The following NRXN3 variants were observed in gnomAD, a reference collection of about 807,000 sequenced individuals.
The protein encoded by NRXN3 is neurexin III.
NRXN3 carries 32 observed loss-of-function variants against 137.6 expected under a neutral mutation model. The observed-to-expected ratio is 0.23, with a 90% CI of 0.18 to 0.31. The LOEUF (loss-of-function observed/expected upper bound fraction) is 0.31, where lower values mean the gene tolerates loss of function less well. Ranked by LOEUF, NRXN3 falls within the 10% of genes least tolerant of loss-of-function variation. The probability of loss-of-function intolerance (pLI) is 1.00; values close to 1 mark genes in which losing one functional copy is unlikely to be tolerated. For synonymous variants in NRXN3, 798 were observed against 784.5 expected, an observed-to-expected ratio of 1.02 and a Z score of -0.29; for missense variants, 1,574 against 2,062.5, an observed-to-expected ratio of 0.76 and a Z score of 4.59.
chr14:78,203,815 T>A (rs2061907356), intron 1 of NRXN3, among the ~76,000 whole-genome samples: 1 of 110,678 alleles, frequency 9.0e-6, no homozygotes, highest in African/African-American at 3.6e-5. Flanking sequence ...TGTGTGTGTG[T>A]GTGTGTGTGT....
chr14:78,719,920 T>C (rs35035363), intron 8 of NRXN3, among the ~76,000 whole-genome samples: 76,124 of 151,992 alleles, frequency 0.5, 22,736 homozygotes, highest in Non-Finnish European at 0.64. Flanking sequence ...CCTGTTTTGG[T>C]AAATGAGGAA....
chr14:78,288,721 G>A (rs1388624094), intron 3 of NRXN3, among the ~76,000 whole-genome samples: 1 of 152,166 alleles, frequency 6.6e-6, no homozygotes, highest in Non-Finnish European at 1.5e-5. Flanking sequence ...CCCCTAGAGT[G>A]ATGGCATAAC....
intron 8 of NRXN3, among the ~76,000 whole-genome samples, chr14:78,791,915 T>C (rs369696262): frequency 6.6e-6 from 1 of 151,998 alleles, no homozygotes; most frequent in East Asian, 1.9e-4. Context: ...AATTAAACCG[T>C]AGCTAATTCT....
intron 4 of NRXN3, among the ~76,000 whole-genome samples, chr14:78,371,413 A>T (rs2086812099): frequency 6.6e-6 from 1 of 152,020 alleles, no homozygotes; most frequent in Non-Finnish European, 1.5e-5. Flanking sequence ...AGCCACTTCC[A>T]CTGCTTAATA....
At chr14:78,593,305 G>C (rs2097132516) in intron 4 of NRXN3, among the ~76,000 whole-genome samples, 2 of 152,184 alleles carry the variant, frequency 1.3e-5, no homozygotes, top group African/African-American at 4.8e-5. Context: ...TTTGAAGTGA[G>C]ACTGCACGAA....
rs1359024316 is a variant in NRXN3, at chr14:78,179,798, T to C, written c.-704+9124T>C. ...AGTCTCGTGTTCAGCATGTGACATA[T>C]ATTTGTTCTTTGTTTTTTTTTTTTT... On this transcript the variant is annotated intron_variant, in intron 1 of 20. Coordinates refer to ENST00000335750, the MANE Select transcript of NRXN3 (RefSeq NM_001330195.2). Among the ~76,000 whole-genome samples, 4 of 146,436 alleles carry C rather than the reference T, an allele frequency of 2.7e-5. No homozygotes were observed. In the East Asian group the frequency reaches 8.1e-4, roughly 30 times the overall value.
At chr14:79,399,008 CAAAAAAAAA>C (rs34172134) in intron 15 of NRXN3, among the ~76,000 whole-genome samples, 2 of 76,168 alleles carry the variant, frequency 2.6e-5, no homozygotes, top group Non-Finnish European at 4.7e-5. Context: ...GACTCCATCT[CAAAAAAAAA>C]AAAAAAAAAA....
intron 15 of NRXN3, among the ~76,000 whole-genome samples, chr14:79,445,059 C>T (rs2096036779): frequency 6.6e-6 from 1 of 152,082 alleles, no homozygotes. Context: ...TGTATTCACT[C>T]AGCTGGCAGT....
At chr14:78,557,169 T>G (rs904587600) in intron 4 of NRXN3, among the ~76,000 whole-genome samples, 4 of 150,516 alleles carry the variant, frequency 2.7e-5, no homozygotes, top group African/African-American at 9.8e-5. Context: ...CTCAGCTTCC[T>G]GAGTAGCTAG....
intron 15 of NRXN3, among the ~76,000 whole-genome samples, chr14:79,053,767 TAAAC>T (rs1434930629): frequency 6.6e-6 from 1 of 151,854 alleles, no homozygotes; most frequent in East Asian, 1.9e-4. Flanking sequence ...TCGGACAACT[TAAAC>T]AACTGGAAGG....
chr14:79,002,884 G>A (rs1462015104), intron 15 of NRXN3, among the ~76,000 whole-genome samples: 1 of 152,064 alleles, frequency 6.6e-6, no homozygotes, highest in Non-Finnish European at 1.5e-5. Flanking sequence ...CATCTGTTGT[G>A]TTTTGATAAG....
chr14:78,971,495 G>A (rs1015466365), intron 14 of NRXN3, among the ~76,000 whole-genome samples: 2 of 151,738 alleles, frequency 1.3e-5, no homozygotes, highest in African/African-American at 4.8e-5. Flanking sequence ...TTTAATATAT[G>A]TTTCCATCAA....
chr14:78,800,553 C>A (rs961999084), intron 8 of NRXN3, among the ~76,000 whole-genome samples: 12 of 152,156 alleles, frequency 7.9e-5, no homozygotes, highest in African/African-American at 2.9e-4. Flanking sequence ...AACTGTCACA[C>A]TTTTATCTGT....
intron 5 of NRXN3, among the ~76,000 whole-genome samples, chr14:78,649,550 C>T (rs1304857613): frequency 4.8e-5 from 7 of 144,456 alleles, no homozygotes; most frequent in African/African-American, 1.8e-4. Context: ...TCAATTTTTT[C>T]CCCCAAAAAA....
At chr14:79,847,785 G>A (rs920207101) in intron 20 of NRXN3, among the ~76,000 whole-genome samples, 3 of 152,106 alleles carry the variant, frequency 2.0e-5, no homozygotes, top group Admixed American at 6.5e-5. Context: ...AAGGAACAGA[G>A]GGTCAAGGTA....
At chr14:78,453,956 T>C (rs932556546) in intron 4 of NRXN3, among the ~76,000 whole-genome samples, 1 of 152,202 alleles carries the variant, frequency 6.6e-6, no homozygotes, top group Non-Finnish European at 1.5e-5. Context: ...TCTCCAGAAC[T>C]GCGAGACAAT....
chr14:78,514,391 C>G (rs727208), intron 4 of NRXN3, among the ~76,000 whole-genome samples: 2 of 151,754 alleles, frequency 1.3e-5, no homozygotes, highest in South Asian at 2.1e-4. Flanking sequence ...CATAGCCAAG[C>G]GATCAGAGGC....
intron 4 of NRXN3, among the ~76,000 whole-genome samples, chr14:78,634,179 C>T (rs1408983508): frequency 2.0e-5 from 3 of 152,240 alleles, no homozygotes; most frequent in African/African-American, 7.2e-5. Context: ...TCTTCCATAT[C>T]CCTCAGCTTC....
At chr14:79,429,002 T>C (rs1299179972) in intron 15 of NRXN3, among the ~76,000 whole-genome samples, 1 of 152,212 alleles carries the variant, frequency 6.6e-6, no homozygotes, top group Non-Finnish European at 1.5e-5. Flanking sequence ...TTTTAAGTGA[T>C]CTCTGGGAAG....
Sources: allele counts gnomAD v4.1 joint callset (sites outside exome capture counted in the v4.1 genomes callset), GRCh38; gene constraint gnomAD v4.1.1; transcripts MANE v1.5; gene names NCBI Gene and HGNC (gene_info 2026-07-23, HGNC 2026-07-21).